The following MAP2K5 variants were observed in gnomAD, a reference collection of about 807,000 sequenced individuals.
MAP2K5 encodes mitogen-activated protein kinase kinase 5, also known as dual specificity mitogen-activated protein kinase kinase 5.
In MAP2K5, 49 loss-of-function variants were observed where a neutral mutation model predicts 83.1. The observed-to-expected ratio is 0.59, with a 90% CI of 0.47 to 0.75. The LOEUF (loss-of-function observed/expected upper bound fraction) is 0.75. Ranked by LOEUF, MAP2K5 falls within the 30% of genes least tolerant of loss-of-function variation. The pLI is 0.00. For synonymous variants in MAP2K5, 202 were observed against 191.8 expected (o/e 1.05, Z -0.44); for missense variants, 457 against 557.5 (o/e 0.82, Z 1.82).
chr15:67,740,275 G>A (rs557418455), intron 17 of MAP2K5, among the ~76,000 whole-genome samples: 1 of 152,306 alleles, frequency 6.6e-6, no homozygotes, highest in East Asian at 1.9e-4. Flanking sequence ...TAATTATGTA[G>A]CCCAAGTTTA....
chr15:67,723,804 AGAT>A (rs1400584551), intron 16 of MAP2K5, among the ~76,000 whole-genome samples: 1 of 151,868 alleles, frequency 6.6e-6, no homozygotes, highest in Non-Finnish European at 1.5e-5. Flanking sequence ...TCTTTTGTAA[AGAT>A]GATAAAGAGA....
chr15:67,701,782 G>A (rs533387765), intron 15 of MAP2K5, among the ~76,000 whole-genome samples: 3 of 152,312 alleles, frequency 2.0e-5, no homozygotes, highest in African/African-American at 7.2e-5. Context: ...GCAGTTCTGC[G>A]ATGGCTGCTC....
intron 6 of MAP2K5, among the ~76,000 whole-genome samples, chr15:67,591,726 G>T (rs2085414645): frequency 6.6e-6 from 1 of 151,762 alleles, no homozygotes; most frequent in Admixed American, 6.6e-5. Context: ...TATTTTAAAT[G>T]CTACTCTACT....
intron 11 of MAP2K5, among the ~76,000 whole-genome samples, chr15:67,649,241 G>A (rs1455035784): frequency 1.3e-5 from 2 of 152,030 alleles, no homozygotes; most frequent in African/African-American, 4.8e-5. Context: ...GAGTTATTGG[G>A]CTTTTATTGT....
At chr15:67,649,347 T>TTTTTTCTTTTCTTTTCC (rs1318892932) in intron 11 of MAP2K5, among the ~76,000 whole-genome samples, 1 of 152,136 alleles carries the variant, frequency 6.6e-6, no homozygotes, top group Non-Finnish European at 1.5e-5. Flanking sequence ...TTTCACTTTC[T>TTTTTTCTTTTCTTTTCC]TTTTTCTTTT....
intron 4 of MAP2K5, among the ~76,000 whole-genome samples, chr15:67,585,338 G>C (rs2085266712): frequency 6.6e-6 from 1 of 152,082 alleles, no homozygotes; most frequent in African/African-American, 2.4e-5. Flanking sequence ...CTAAATCTTA[G>C]CATATGTCAA....
rs185374332 is a variant in MAP2K5 at position 67,760,953 on chromosome 15, C to T, written c.1135-8649C>T. On this transcript the variant is annotated intron_variant, in intron 19 of 21. Coordinates refer to ENST00000178640, the MANE Select transcript of MAP2K5 (RefSeq NM_145160.3). The surrounding 1 kb of genome is among the most constrained non-coding windows in gnomAD (Gnocchi z 4.1). ...TGCCGAGTTGCTGTAATCGTTTTGC[C>T]GGCTGTTAATTTTCTCTAAACCAGG... 4.0e-4 allele frequency among the ~76,000 whole-genome samples: 61 copies of T among 152,156 alleles called. No homozygotes were observed. Among genetic ancestry groups the T allele is most frequent in the African/African-American group, 1.2e-3 (51 of 41,508 alleles).
Position 67,719,299 on chromosome 15 carries a change from C to T in MAP2K5, c.1045-8617C>T, listed in dbSNP as rs2088898703. Reference sequence around the variant, plus strand: ...TCCTAATACTAAAGAGTTTGTGTACCATGTTCATTAAGGTACTGTGGCATA... The same window carrying T: ...TCCTAATACTAAAGAGTTTGTGTACTATGTTCATTAAGGTACTGTGGCATA... On this transcript the variant is annotated intron_variant, in intron 16 of 21. Coordinates refer to ENST00000178640, the MANE Select transcript of MAP2K5 (RefSeq NM_145160.3). The surrounding 1 kb of genome is among the most constrained non-coding windows in gnomAD (Gnocchi z 4.6). Among the ~76,000 whole-genome samples, 2 of 152,078 alleles carry T rather than the reference C, an allele frequency of 1.3e-5. No homozygotes were observed. Among genetic ancestry groups the T allele is most frequent in the Non-Finnish European group, 1.5e-5 (1 of 68,042 alleles).
At chr15:67,645,951 G>A (rs1363733732) in intron 9 of MAP2K5, among the ~76,000 whole-genome samples, 1 of 152,102 alleles carries the variant, frequency 6.6e-6, no homozygotes, top group Non-Finnish European at 1.5e-5. Context: ...AATTAAGAGT[G>A]TTATAACTTA....
At chr15:67,548,079 A>G (rs1366156512) in intron 1 of MAP2K5, among the ~76,000 whole-genome samples, 1 of 152,154 alleles carries the variant, frequency 6.6e-6, no homozygotes, top group Non-Finnish European at 1.5e-5. Flanking sequence ...GTTTATGTCG[A>G]TGGGCTAAGG....
chr15:67,601,287 C>G (rs2085653167), intron 8 of MAP2K5, among the ~76,000 whole-genome samples: 1 of 152,158 alleles, frequency 6.6e-6, no homozygotes, highest in African/African-American at 2.4e-5. Context: ...ATTCCAGTTG[C>G]AGTGATCTTA....
intron 19 of MAP2K5, among the ~76,000 whole-genome samples, chr15:67,756,783 A>G (rs970533899): frequency 6.6e-6 from 1 of 152,020 alleles, no homozygotes; most frequent in Non-Finnish European, 1.5e-5. Context: ...GAGATCATGC[A>G]GTTTTTGTGT....
Position 67,748,662 on chromosome 15 carries a change from A to G in MAP2K5, c.1134+61A>G, listed in dbSNP as rs187329496. ...TCATTCCTAATGGTGTGGAAAGCTT[A>G]TATTTTGTTTCCTAATGAAGCACAA... On this transcript the variant is annotated intron_variant, in intron 19 of 21. Transcript: ENST00000178640. The surrounding 1 kb of genome is among the most constrained non-coding windows in gnomAD (Gnocchi z 4.0). 4.2e-4 allele frequency: 648 copies of G among 1,532,488 alleles called. 2 individuals carry two copies. The African/African-American group carries it at 7.9e-3, about 19-fold the overall frequency. The allele number at this position is 1,532,488 out of a possible 1,614,324, so 94.9% of individuals were successfully genotyped here. A position where few individuals can be genotyped will look rare whatever the true frequency, so the allele number is the denominator to read the frequency against.
At chr15:67,741,597 C>G (rs1208929426) in intron 17 of MAP2K5, among the ~76,000 whole-genome samples, 2 of 152,126 alleles carry the variant, frequency 1.3e-5, no homozygotes, top group African/African-American at 4.8e-5. Flanking sequence ...GAACCACCTA[C>G]CATACCCTAG....
chr15:67,598,995 T>C (rs2085591323), intron 7 of MAP2K5, among the ~76,000 whole-genome samples: 2 of 152,230 alleles, frequency 1.3e-5, no homozygotes, highest in Admixed American at 6.5e-5. Flanking sequence ...GGCCTATTTG[T>C]GCCCACCAAT....
intron 8 of MAP2K5, among the ~76,000 whole-genome samples, chr15:67,603,639 G>T (rs2085713434): frequency 6.6e-6 from 1 of 152,142 alleles, no homozygotes; most frequent in African/African-American, 2.4e-5. Flanking sequence ...TCAGGCTTCA[G>T]CTTGTATTAT....
chr15:67,550,661 T>C (rs1248373364), intron 2 of MAP2K5, among the ~76,000 whole-genome samples: 2 of 151,830 alleles, frequency 1.3e-5, no homozygotes, highest in South Asian at 4.1e-4. Flanking sequence ...GAATGAGTCA[T>C]GCTACGATGA....
chr15:67,693,717 T>A (rs2088173553), intron 15 of MAP2K5, 149 bp downstream of exon 15: 1 of 612,310 alleles, frequency 1.6e-6, no homozygotes, highest in African/African-American at 1.9e-5. Flanking sequence ...GATTTTTAAA[T>A]CTTTCTAAAA....
intron 7 of MAP2K5, among the ~76,000 whole-genome samples, chr15:67,598,036 C>G (rs2085565951): frequency 6.6e-6 from 1 of 151,990 alleles, no homozygotes; most frequent in African/African-American, 2.4e-5. Context: ...GAAACCCCAT[C>G]TCTACTAAAA....
Sources: allele counts gnomAD v4.1 joint callset (sites outside exome capture counted in the v4.1 genomes callset), GRCh38; gene constraint gnomAD v4.1.1; non-coding constraint Gnocchi (gnomAD v3.1); transcripts MANE v1.5; gene names NCBI Gene and HGNC (gene_info 2026-07-23, HGNC 2026-07-21).